The following FKBP6 variants were observed in gnomAD, a reference collection of about 807,000 sequenced individuals.
FKBP6 encodes FKBP prolyl isomerase family member 6 (inactive), also known as inactive peptidyl-prolyl cis-trans isomerase FKBP6.
FKBP6 carries 29 observed loss-of-function variants against 41.7 expected under a neutral mutation model. The observed-to-expected ratio is 0.70, with a 90% CI of 0.52 to 0.95. The LOEUF (loss-of-function observed/expected upper bound fraction) is 0.95. Ranked by LOEUF, FKBP6 falls within the 40% of genes least tolerant of loss-of-function variation. FKBP6 has a pLI of 0.00. For synonymous variants in FKBP6, 130 were observed against 165.1 expected, an observed-to-expected ratio of 0.79 and a Z score of 1.63; for missense variants, 338 against 408.7, an observed-to-expected ratio of 0.83 and a Z score of 1.49.
intron 8 of FKBP6, among the ~76,000 whole-genome samples, chr7:73,347,535 C>G (rs1466806091): frequency 2.0e-5 from 3 of 152,232 alleles, no homozygotes; most frequent in Non-Finnish European, 4.4e-5. Flanking sequence ...TATAATATAA[C>G]TCTTTCTTCT....
At chr7:73,344,913 A>G (rs1270698316) in intron 8 of FKBP6, among the ~76,000 whole-genome samples, 1 of 152,134 alleles carries the variant, frequency 6.6e-6, no homozygotes, top group Non-Finnish European at 1.5e-5. Context: ...TGTTCTTTTC[A>G]TCTTAGATGT....
Position 73,329,271 on chromosome 7 carries a change from A to G in FKBP6, c.176-89A>G. Reference sequence around the variant, plus strand: ...GGGCAGCTTAAGCTCATCTGTTCACATTGTTTCTGTGTGATCATGAGAGAC... The same window carrying G: ...GGGCAGCTTAAGCTCATCTGTTCACGTTGTTTCTGTGTGATCATGAGAGAC... On this transcript the variant is annotated intron_variant, in intron 2 of 8. Coordinates refer to ENST00000252037, the MANE Select transcript of FKBP6 (RefSeq NM_003602.5). 4 of 831,664 alleles carry G rather than the reference A, an allele frequency of 4.8e-6. No homozygotes were observed. In the South Asian group the frequency reaches 5.3e-5, roughly 11 times the overall value. 51.5% of individuals were successfully genotyped at this position (831,664 alleles called of 1,614,324 possible). A position where few individuals can be genotyped will look rare whatever the true frequency, so the allele number is the denominator to read the frequency against.
rs568831073 is a variant in FKBP6, at chr7:73,354,601, C to A, written c.*3-3580C>A. 3.3e-5 allele frequency among the ~76,000 whole-genome samples: 5 copies of A among 152,188 alleles called. No homozygotes were observed. The East Asian group carries it at 9.6e-4, about 29-fold the overall frequency. On this transcript the variant is annotated intron_variant, in intron 8 of 8. Coordinates refer to ENST00000252037, the MANE Select transcript of FKBP6 (RefSeq NM_003602.5). ...CCTCAGTTGATATTTTTGGAGATATCCAGATTAGGTTCTTAAGATTGGCTG... is the reference window on the plus strand; with the variant it reads ...CCTCAGTTGATATTTTTGGAGATATACAGATTAGGTTCTTAAGATTGGCTG...
intron 5 of FKBP6, among the ~76,000 whole-genome samples, chr7:73,335,496 C>T (rs1804978250): frequency 6.6e-6 from 1 of 152,184 alleles, no homozygotes; most frequent in Non-Finnish European, 1.5e-5. Flanking sequence ...GCCGCGTTAC[C>T]AGTATACCAC....
chr7:73,330,288 T>C lies in FKBP6; in HGVS notation c.404T>C (p.Phe135Ser). 1 of 1,614,022 alleles carries C rather than the reference T, an allele frequency of 6.2e-7. No homozygotes were observed. Among genetic ancestry groups the C allele is most frequent in the South Asian group, 1.1e-5 (1 of 91,084 alleles). Residue 135 changes from phenylalanine (F) to serine (S), a missense_variant, in exon 4 of 9, where the codon TTT (phenylalanine) becomes TCT (serine). Around this residue, in one of 2 missense-constraint regions of FKBP6, gnomAD observed 239 missense variants for 250.1 expected, o/e 0.96. Transcript: ENST00000252037. ...PLIPPNTTVLFEIELLDFLDC... is the reference protein window; with the variant it reads ...PLIPPNTTVLSEIELLDFLDC... ...ATCCCCCCAAACACCACTGTCCTGT[T>C]TGAGATTGAGCTGCTTGACTTCCTG...
chr7:73,340,266 C>T (rs111705806), intron 5 of FKBP6, among the ~76,000 whole-genome samples: 1 of 152,220 alleles, frequency 6.6e-6, no homozygotes, highest in African/African-American at 2.4e-5. Flanking sequence ...TGGTGGCTCA[C>T]GCCTGTAATC....
intron 8 of FKBP6, among the ~76,000 whole-genome samples, chr7:73,347,544 C>T (rs1554550448): frequency 6.6e-6 from 1 of 152,200 alleles, no homozygotes; most frequent in Non-Finnish European, 1.5e-5. Context: ...ACTCTTTCTT[C>T]TCTTACATTA....
intron 8 of FKBP6, among the ~76,000 whole-genome samples, chr7:73,344,640 A>C (rs782132490): frequency 5.9e-5 from 9 of 152,018 alleles, no homozygotes; most frequent in Non-Finnish European, 1.2e-4. Flanking sequence ...GCTGGAGTGC[A>C]ATGGCACAAT....
chr7:73,351,921 A>G (rs1805501728), intron 8 of FKBP6, among the ~76,000 whole-genome samples: 1 of 152,086 alleles, frequency 6.6e-6, no homozygotes, highest in Admixed American at 6.5e-5. Context: ...TAGCCAAGTC[A>G]TTTCACCTCT....
Position 73,342,838 on chromosome 7 carries a change from G to T in FKBP6, c.925G>T (p.Glu309Ter). 6.2e-7 allele frequency: 1 copy of T among 1,614,002 alleles called. No individual in the cohort carries two copies. Among genetic ancestry groups the T allele is most frequent in the Non-Finnish European group, 8.5e-7 (1 of 1,179,812 alleles). The change falls in exon 8 of 9, where the codon GAA becomes TAA. Residue 309 changes from glutamate to a stop codon, truncating the protein, a stop_gained. Transcript: ENST00000252037. LOFTEE classifies it high-confidence loss of function. ...CYRDYVDKEKEMWHRMFAPCG... is the reference protein window; with the variant it reads ...CYRDYVDKEK Reference sequence around the variant, plus strand: ...CAGGGACTATGTGGATAAAGAGAAAGAAATGTGGCACCGCATGTTCGCGCC... The same window carrying T: ...CAGGGACTATGTGGATAAAGAGAAATAAATGTGGCACCGCATGTTCGCGCC...
At chr7:73,351,633 C>A (rs1805493183) in intron 8 of FKBP6, among the ~76,000 whole-genome samples, 1 of 152,174 alleles carries the variant, frequency 6.6e-6, no homozygotes, top group African/African-American at 2.4e-5. Context: ...CCTGGGAAGG[C>A]ATTTCCTCTG....
intron 8 of FKBP6, among the ~76,000 whole-genome samples, chr7:73,357,834 A>G (rs560486125): frequency 6.6e-6 from 1 of 151,990 alleles, no homozygotes; most frequent in East Asian, 2.0e-4. Flanking sequence ...AAAATGCAAA[A>G]AAAAGTATCC....
In FKBP6 at chr7:73,328,217, CTG is replaced by C; in HGVS notation, c.-210_-209del. ...TACCTCGCACCTCACCGCGTGGCCT[CTG>C]TAGTTCCAGAGCTCGCGAGGGCCAG... On this transcript the variant is annotated 5_prime_UTR_variant, in exon 1 of 9. It introduces an in-frame stop codon into an upstream open reading frame of the 5' UTR. Transcript: ENST00000252037. 1.3e-6 allele frequency: 2 copies of C among 1,549,036 alleles called. No homozygotes were observed. Among genetic ancestry groups the C allele is most frequent in the Admixed American group, 2.0e-5 (1 of 51,000 alleles).
At chr7:73,342,756 A>T (rs1583813875) in intron 7 of FKBP6, 51 bp from the exon 8 acceptor site, 2 of 1,257,950 alleles carry the variant, frequency 1.6e-6, no homozygotes, top group Non-Finnish European at 2.3e-6. Context: ...ACCAGATGTC[A>T]CCTCCTCCAA....
chr7:73,357,108 G>C (rs1805653464), intron 8 of FKBP6, among the ~76,000 whole-genome samples: 2 of 152,038 alleles, frequency 1.3e-5, no homozygotes, highest in South Asian at 4.2e-4. Flanking sequence ...TTCAGAGCCT[G>C]ATGGTGCGGT....
chr7:73,330,272 A>C lies in FKBP6; in HGVS notation c.388A>C (p.Asn130His), dbSNP rs782427805. The change falls in exon 4 of 9, where the codon AAC becomes CAC. Residue 130 changes from asparagine to histidine, a missense_variant. Physicochemically the swap from Asn to His is moderately conservative, Grantham distance 68. Coordinates refer to ENST00000252037, the MANE Select transcript of FKBP6 (RefSeq NM_003602.5). ...GGGCTGCCCTCCCTTGATCCCCCCA[A>C]ACACCACTGTCCTGTTTGAGATTGA... ...TLGCPPLIPP[N>H]TTVLFEIELL... 6.2e-7 allele frequency: 1 copy of C among 1,614,162 alleles called. No individual in the cohort carries two copies. Among genetic ancestry groups the C allele is most frequent in the South Asian group, 1.1e-5 (1 of 91,078 alleles).
At chr7:73,339,449 C>T (rs1286472941) in intron 5 of FKBP6, among the ~76,000 whole-genome samples, 4 of 152,088 alleles carry the variant, frequency 2.6e-5, no homozygotes, top group Admixed American at 1.3e-4. Context: ...GTCCTTATGC[C>T]GGTGCTACAC....
chr7:73,342,604 T>G (rs1331932564), intron 7 of FKBP6, among the ~76,000 whole-genome samples: 5 of 152,226 alleles, frequency 3.3e-5, no homozygotes, highest in African/African-American at 1.2e-4. Flanking sequence ...TTAGGGGGTT[T>G]TGTCCAGGGG....
At chr7:73,356,426 G>A (rs1437279870) in intron 8 of FKBP6, among the ~76,000 whole-genome samples, 1 of 152,194 alleles carries the variant, frequency 6.6e-6, no homozygotes, top group Non-Finnish European at 1.5e-5. Flanking sequence ...CCTCTCCAGT[G>A]GCTGTACCAG....
Sources: allele counts gnomAD v4.1 joint callset (sites outside exome capture counted in the v4.1 genomes callset), GRCh38; gene constraint gnomAD v4.1.1; regional missense constraint gnomAD v4.1.1; transcripts MANE v1.5; gene names NCBI Gene and HGNC (gene_info 2026-07-23, HGNC 2026-07-21).